ABCC4: variants seen among roughly 807,000 people sequenced by gnomAD.
The protein encoded by ABCC4 is ATP-binding cassette sub-family C member 4.
Under a neutral mutation model 168.5 loss-of-function variants are expected in ABCC4, and 102 were observed. The ratio of observed to expected loss-of-function variants is 0.61; its 90% CI spans 0.52 to 0.71. The LOEUF is 0.71. Ranked by LOEUF, ABCC4 falls within the 30% of genes least tolerant of loss-of-function variation. The pLI is 0.00. For synonymous variants in ABCC4, 617 were observed against 590.7 expected (o/e 1.04, Z -0.65); for missense variants, 1,402 against 1,605.8 (o/e 0.87, Z 2.17).
intron 19 of ABCC4, among the ~76,000 whole-genome samples, chr13:95,127,421 C>G (rs1008265781): frequency 6.6e-6 from 1 of 152,014 alleles, no homozygotes; most frequent in African/African-American, 2.4e-5. Context: ...AAGTAGCTGG[C>G]AGGTGTGTGC....
intron 4 of ABCC4, among the ~76,000 whole-genome samples, chr13:95,216,274 T>C (rs1032538153): frequency 1.3e-5 from 2 of 152,202 alleles, no homozygotes; most frequent in Non-Finnish European, 2.9e-5. Flanking sequence ...AAAGTGTCCA[T>C]GTTATAGTTT....
intron 15 of ABCC4, among the ~76,000 whole-genome samples, chr13:95,164,868 G>C (rs1043781362): frequency 1.3e-5 from 2 of 151,988 alleles, no homozygotes; most frequent in Non-Finnish European, 2.9e-5. Flanking sequence ...CTAATTTTTT[G>C]TATTTTTTAG....
intron 19 of ABCC4, among the ~76,000 whole-genome samples, chr13:95,143,382 A>G (rs1385886646): frequency 1.3e-5 from 2 of 152,224 alleles, no homozygotes; most frequent in African/African-American, 4.8e-5. Flanking sequence ...CATTTCCAAA[A>G]TAGCCTACAT....
rs2138984087 is a variant in ABCC4, at chr13:95,301,448, A to T, written c.-134T>A. The T allele has an allele frequency of 1.5e-6, 1 of 659,198 alleles. No individual in the cohort carries two copies. The highest frequency in any genetic ancestry group is 4.8e-4 in the Middle Eastern group (1 of 2,076). The allele number at this position is 659,198 out of a possible 1,614,324, so 40.8% of individuals were successfully genotyped here. ...CCTGTCCGCTCGGCTGGAGCCTGTGAAGCAGCCGCTTCCGGGAGCCGGGCG... is the reference window on the plus strand; with the variant it reads ...CCTGTCCGCTCGGCTGGAGCCTGTGTAGCAGCCGCTTCCGGGAGCCGGGCG... On this transcript the variant is annotated 5_prime_UTR_variant, in exon 1 of 31. Coordinates refer to ENST00000645237, the MANE Select transcript of ABCC4 (RefSeq NM_005845.5).
intron 30 of ABCC4, among the ~76,000 whole-genome samples, chr13:95,034,057 G>A (rs1038062291): frequency 6.6e-6 from 1 of 152,218 alleles, no homozygotes; most frequent in African/African-American, 2.4e-5. Flanking sequence ...GGTCAACAGT[G>A]AGAGTATTAT....
intron 3 of ABCC4, 147 bp downstream of exon 3, chr13:95,246,828 G>A: frequency 1.1e-6 from 1 of 919,358 alleles, no homozygotes; most frequent in Non-Finnish European, 1.7e-6. Flanking sequence ...TCCTAGACAT[G>A]TTTAATCCTT....
chr13:95,287,392 G>A (rs1006131208), intron 1 of ABCC4, among the ~76,000 whole-genome samples: 1 of 151,804 alleles, frequency 6.6e-6, no homozygotes, highest in Non-Finnish European at 1.5e-5. Context: ...TTCAAGACCA[G>A]CCTGGCCAAC....
chr13:95,055,020 G>T (rs576467034), intron 26 of ABCC4, among the ~76,000 whole-genome samples: 14 of 152,284 alleles, frequency 9.2e-5, no homozygotes, highest in Non-Finnish European at 1.8e-4. Context: ...GTATAAAGCT[G>T]ATAAAGTGGC....
intron 20 of ABCC4, among the ~76,000 whole-genome samples, chr13:95,110,005 T>C (rs1336569803): frequency 6.6e-6 from 1 of 151,828 alleles, no homozygotes; most frequent in Non-Finnish European, 1.5e-5. Flanking sequence ...AAGGAAGACA[T>C]GTAATAAGAA....
intron 23 of ABCC4, 61 bp downstream of exon 23, chr13:95,074,153 A>G (rs2033818980): frequency 1.5e-6 from 2 of 1,322,106 alleles, no homozygotes; most frequent in Middle Eastern, 1.8e-4. Context: ...GAGTTTAATA[A>G]ATGTAAACAC....
intron 19 of ABCC4, among the ~76,000 whole-genome samples, chr13:95,142,223 T>G (rs1022557172): frequency 6.6e-6 from 1 of 152,226 alleles, no homozygotes; most frequent in Non-Finnish European, 1.5e-5. Flanking sequence ...CCGTGGAATA[T>G]AGATACGACA....
At chr13:95,070,174 G>A (rs541631970) in intron 25 of ABCC4, among the ~76,000 whole-genome samples, 38 of 152,328 alleles carry the variant, frequency 2.5e-4, no homozygotes, top group African/African-American at 7.0e-4. Flanking sequence ...AACCTGGGAG[G>A]TGGAGGTTGC....
At chr13:95,037,262 A>T (rs983503034) in intron 29 of ABCC4, among the ~76,000 whole-genome samples, 1 of 152,306 alleles carries the variant, frequency 6.6e-6, no homozygotes, top group Admixed American at 6.5e-5. Context: ...AAAGCACCCC[A>T]TAACTAAAAT....
intron 6 of ABCC4, among the ~76,000 whole-genome samples, chr13:95,208,335 CA>C (rs757937530): frequency 3.2e-4 from 24 of 75,840 alleles, no homozygotes; most frequent in African/African-American, 4.0e-4. Context: ...AAGAGGAGAG[CA>C]AAAAAAAAAA....
chr13:95,218,860 A>AAAAGAAAAGAAAAGAAAAGAAAAG (rs1566539096), intron 4 of ABCC4, among the ~76,000 whole-genome samples: 11 of 146,832 alleles, frequency 7.5e-5, no homozygotes, highest in African/African-American at 2.4e-4. Context: ...GAAAAGAAAA[A>AAAAGAAAAGAAAAGAAAAGAAAAG]AAAAGAAAAG....
intron 1 of ABCC4, among the ~76,000 whole-genome samples, chr13:95,295,333 C>A (rs2041501287): frequency 6.6e-6 from 1 of 151,882 alleles, no homozygotes; most frequent in Non-Finnish European, 1.5e-5. Flanking sequence ...ATGGGCAACA[C>A]AGCGAGACCT....
intron 4 of ABCC4, among the ~76,000 whole-genome samples, chr13:95,229,983 G>A (rs2039574092): frequency 1.3e-5 from 2 of 152,164 alleles, no homozygotes; most frequent in South Asian, 4.1e-4. Flanking sequence ...GTCCCAGATA[G>A]CTAAAAAGTA....
intron 26 of ABCC4, among the ~76,000 whole-genome samples, chr13:95,054,919 T>C (rs1246253837): frequency 2.0e-5 from 3 of 152,084 alleles, no homozygotes; most frequent in Non-Finnish European, 4.4e-5. Flanking sequence ...GAGGAAGAAA[T>C]GGATGTAGAA....
chr13:95,179,342 CAAAGGG>C (rs2037815312), intron 11 of ABCC4, among the ~76,000 whole-genome samples: 1 of 152,072 alleles, frequency 6.6e-6, no homozygotes, highest in African/African-American at 2.4e-5. Context: ...CAGGAAAAGC[CAAAGGG>C]AAAGGAGCAG....
Sources: gnomAD v4.1 joint callset for allele counts (sites outside exome capture counted in the v4.1 genomes callset) on GRCh38, gnomAD v4.1.1 for gene constraint, MANE v1.5 for transcripts, NCBI Gene and HGNC (gene_info 2026-07-23, HGNC 2026-07-21) for gene names.